Variants in RIMS2 observed in about 807,000 individuals in gnomAD.
RIMS2 encodes the protein regulating synaptic membrane exocytosis 2.
A neutral mutation model predicts 174.4 loss-of-function variants in RIMS2; 59 were observed. That is an observed-to-expected ratio of 0.34 (90% CI 0.27 to 0.42). The LOEUF (loss-of-function observed/expected upper bound fraction) is 0.42, where lower values mean the gene tolerates loss of function less well. Ranked by LOEUF, RIMS2 falls within the 10% of genes least tolerant of loss-of-function variation. The probability of loss-of-function intolerance (pLI) is 1.00; values close to 1 mark genes in which losing one functional copy is unlikely to be tolerated. For synonymous variants in RIMS2, 606 were observed against 572.5 expected, an observed-to-expected ratio of 1.06 and a Z score of -0.84; for missense variants, 1,620 against 1,666.3, an observed-to-expected ratio of 0.97 and a Z score of 0.48.
intron 1 of RIMS2, among the ~76,000 whole-genome samples, chr8:103,695,868 T>C (rs2097095034): frequency 6.6e-6 from 1 of 152,056 alleles, no homozygotes; most frequent in South Asian, 2.1e-4. Flanking sequence ...TTGGCCACTT[T>C]CAAAGGTTTT....
In RIMS2 at chr8:104,102,497, T is replaced by C. The variant is rs541357930; in HGVS notation, c.3334+87882T>C. On this transcript the variant is annotated intron_variant, in intron 19 of 23. Coordinates refer to ENST00000504942, the Ensembl canonical transcript of RIMS2. ...TTATCTCTCATGGAGATTAGTTTAA[T>C]AGGAAATTCTTATCTTAAAAAATAA... 1.5e-4 allele frequency among the ~76,000 whole-genome samples: 23 copies of C among 152,340 alleles called. No homozygotes were observed. The East Asian group carries it at 4.4e-3, about 29-fold the overall frequency.
At chr8:103,806,887 GTTGTT>G (rs2098653833) in intron 3 of RIMS2, among the ~76,000 whole-genome samples, 1 of 152,196 alleles carries the variant, frequency 6.6e-6, no homozygotes, top group African/African-American at 2.4e-5. Flanking sequence ...AAATCATGGT[GTTGTT>G]TTAAGACAGA....
intron 1 of RIMS2, among the ~76,000 whole-genome samples, chr8:103,627,631 T>C (rs1251554464): frequency 6.6e-6 from 1 of 152,244 alleles, no homozygotes; most frequent in Admixed American, 6.5e-5. Context: ...ATTTATGTTC[T>C]TCTGCCTCGG....
At chr8:103,757,898 C>T (rs896469904) in intron 2 of RIMS2, among the ~76,000 whole-genome samples, 1 of 152,190 alleles carries the variant, frequency 6.6e-6, no homozygotes, top group African/African-American at 2.4e-5. Context: ...CCAGAGGAGA[C>T]AAGGAACTGG....
chr8:104,140,063 T>C (rs1230037649), intron 19 of RIMS2, among the ~76,000 whole-genome samples: 1 of 152,226 alleles, frequency 6.6e-6, no homozygotes, highest in East Asian at 1.9e-4. Flanking sequence ...ATGTATCACA[T>C]TGATTGATTT....
At chr8:103,955,270 T>C (rs1348683381) in intron 14 of RIMS2, among the ~76,000 whole-genome samples, 2 of 152,060 alleles carry the variant, frequency 1.3e-5, no homozygotes, top group African/African-American at 4.8e-5. Context: ...ATCATCCCGA[T>C]AACAAAACCT....
intron 1 of RIMS2, among the ~76,000 whole-genome samples, chr8:103,691,388 C>T (rs997133056): frequency 6.6e-6 from 1 of 151,962 alleles, no homozygotes; most frequent in Admixed American, 6.6e-5. Flanking sequence ...TTTTTTTCCT[C>T]TTCTGACTGT....
intron 1 of RIMS2, among the ~76,000 whole-genome samples, chr8:103,552,162 AAAC>A (rs1003016353): frequency 1.3e-5 from 2 of 152,106 alleles, no homozygotes; most frequent in Non-Finnish European, 2.9e-5. Context: ...TAAGCCAAAA[AAAC>A]AAAGCTGGAG....
chr8:103,988,059 TAGGCATTATGTGGAAGGATAA>T, intron 16 of RIMS2, among the ~76,000 whole-genome samples: 1 of 152,198 alleles, frequency 6.6e-6, no homozygotes, highest in African/African-American at 2.4e-5. Flanking sequence ...AAACTTGTTC[TAGGCATTATGTGGAAGGATAA>T]AGACATACCA....
chr8:103,662,672 G>GTCTGTCTA (rs901204250), intron 1 of RIMS2, among the ~76,000 whole-genome samples: 7 of 149,552 alleles, frequency 4.7e-5, no homozygotes, highest in African/African-American at 1.7e-4. Context: ...AGTCAGAAGA[G>GTCTGTCTA]TCTATCTATC....
intron 3 of RIMS2, among the ~76,000 whole-genome samples, chr8:103,853,309 G>A (rs2099009605): frequency 6.6e-6 from 1 of 151,178 alleles, no homozygotes; most frequent in Admixed American, 6.6e-5. Flanking sequence ...CATAGTTTGT[G>A]AATATTTTCT....
At chr8:103,976,542 CTTTTTCTTTT>C (rs2093440654) in intron 16 of RIMS2, 2 of 136,802 alleles carry the variant, frequency 1.5e-5, no homozygotes, top group African/African-American at 5.5e-5. Context: ...TTTTCTTTTT[CTTTTTCTTTT>C]TTTTTTTTTT....
At chr8:103,860,768 C>G (rs1013822806) in intron 3 of RIMS2, among the ~76,000 whole-genome samples, 4 of 143,382 alleles carry the variant, frequency 2.8e-5, no homozygotes, top group Admixed American at 1.4e-4. Context: ...TCCCAATGAG[C>G]AGAAATATTG....
intron 3 of RIMS2, among the ~76,000 whole-genome samples, chr8:103,823,612 T>A (rs544418763): frequency 6.6e-5 from 10 of 152,032 alleles, no homozygotes; most frequent in African/African-American, 2.4e-4. Flanking sequence ...TTTAGTATTA[T>A]TTTTGGTCAG....
chr8:103,818,729 A>G (rs1000209323), intron 3 of RIMS2, among the ~76,000 whole-genome samples: 7 of 152,282 alleles, frequency 4.6e-5, no homozygotes, highest in African/African-American at 7.2e-5. Flanking sequence ...GCCTTTAGAA[A>G]GGACCAGATT....
chr8:103,752,957 A>G (rs1224384602), intron 2 of RIMS2, among the ~76,000 whole-genome samples: 1 of 151,846 alleles, frequency 6.6e-6, no homozygotes, highest in Non-Finnish European at 1.5e-5. Context: ...CCTGGCCAGA[A>G]CTTCCAACAC....
At chr8:103,526,770 AAAGT>A (rs796907914) in intron 1 of RIMS2, among the ~76,000 whole-genome samples, 23 of 152,322 alleles carry the variant, frequency 1.5e-4, no homozygotes, top group African/African-American at 5.0e-4. Context: ...GAGAAAGAAA[AAAGT>A]AATAGAAATG....
intron 19 of RIMS2, among the ~76,000 whole-genome samples, chr8:104,113,088 C>T (rs927820891): frequency 2.6e-5 from 4 of 151,936 alleles, no homozygotes; most frequent in African/African-American, 7.3e-5. Context: ...ATTATAATAT[C>T]CAGAAAACCA....
chr8:103,730,802 G>T (rs1350187434), intron 2 of RIMS2, among the ~76,000 whole-genome samples: 1 of 152,138 alleles, frequency 6.6e-6, no homozygotes, highest in Non-Finnish European at 1.5e-5. Context: ...TAGTTTGTCT[G>T]GGGAAGTCTG....
Sources: allele counts gnomAD v4.1 joint callset (sites outside exome capture counted in the v4.1 genomes callset), GRCh38; gene constraint gnomAD v4.1.1; transcripts MANE v1.5; gene names NCBI Gene and HGNC (gene_info 2026-07-23, HGNC 2026-07-21).